The following CNOT1 variants were observed in gnomAD, a reference collection of about 807,000 sequenced individuals.
The protein encoded by CNOT1 is CCR4-associated factor 1.
A neutral mutation model predicts 273.8 loss-of-function variants in CNOT1; 15 were observed. That is an observed-to-expected ratio of 0.05 (90% confidence interval 0.04 to 0.08). The LOEUF is 0.08. Ranked by LOEUF, CNOT1 falls within the 10% of genes least tolerant of loss-of-function variation. The pLI is 1.00. For missense variants in CNOT1, 1,644 were observed against 2,912.2 expected, an observed-to-expected ratio of 0.56 and a Z score of 10.02; for synonymous variants, 1,022 against 1,005.5, an observed-to-expected ratio of 1.02 and a Z score of -0.31.
At chr16:58,602,337 T>C (rs367550549) in intron 1 of CNOT1, among the ~76,000 whole-genome samples, 2 of 152,070 alleles carry the variant, frequency 1.3e-5, no homozygotes, top group East Asian at 3.9e-4. Flanking sequence ...TCCCAAAGTG[T>C]TGGGATTATA....
chr16:58,570,582 G>A (rs1017955723), intron 16 of CNOT1, among the ~76,000 whole-genome samples: 2 of 152,198 alleles, frequency 1.3e-5, no homozygotes, highest in African/African-American at 2.4e-5. Context: ...AGCTGTGATC[G>A]TGTCCTGCGT....
Position 58,520,980 on chromosome 16 carries a change from A to G in CNOT1, c.7109T>C (p.Met2370Thr), listed in dbSNP as rs760360778. 5.6e-6 allele frequency: 9 copies of G among 1,613,972 alleles called. No individual in the cohort carries two copies. Among genetic ancestry groups the G allele is most frequent in the East Asian group, 2.2e-5 (1 of 44,888 alleles). The change falls in exon 49 of 49, where the codon ATG (methionine) becomes ACG (threonine). Residue 2370 changes from methionine (M) to threonine (T), a missense_variant. Met to Thr is a moderately conservative substitution (Grantham distance 81). Transcript: ENST00000317147. ...CMGQKQAQQV[M>T]EGTGAS ...CGTCTAACTGGCACCTGTCCCTTCC[A>G]TTACTTGCTGGGCCTGCTTCTGTCC...
chr16:58,580,552 A>C, intron 12 of CNOT1, 81 bp downstream of exon 12: 1 of 1,516,320 alleles, frequency 6.6e-7, no homozygotes, highest in Admixed American at 2.1e-5. Context: ...CCTGTTAACT[A>C]TGTACTTGGC....
intron 16 of CNOT1, among the ~76,000 whole-genome samples, chr16:58,560,693 G>C (rs2040806415): frequency 6.6e-6 from 1 of 152,178 alleles, no homozygotes; most frequent in South Asian, 2.1e-4. Flanking sequence ...ACCTGGGCAA[G>C]ATAGCGAGAC....
intron 16 of CNOT1, among the ~76,000 whole-genome samples, chr16:58,565,005 C>T (rs2040990099): frequency 6.6e-6 from 1 of 152,112 alleles, no homozygotes; most frequent in Non-Finnish European, 1.5e-5. Context: ...CCCACAAATG[C>T]TTCTCACGCC....
intron 1 of CNOT1, among the ~76,000 whole-genome samples, chr16:58,617,762 T>C (rs1018055354): frequency 3.3e-5 from 5 of 152,150 alleles, no homozygotes; most frequent in Non-Finnish European, 5.9e-5. Context: ...TCTCAGGACT[T>C]TGGGAGGCTG....
At chr16:58,579,831 C>A (rs1264405843) in intron 12 of CNOT1, among the ~76,000 whole-genome samples, 2 of 152,102 alleles carry the variant, frequency 1.3e-5, no homozygotes, top group South Asian at 2.1e-4. Flanking sequence ...CCAAGAGAAA[C>A]CTGATATACA....
intron 1 of CNOT1, among the ~76,000 whole-genome samples, chr16:58,628,908 G>A (rs940219420): frequency 6.6e-6 from 1 of 152,330 alleles, no homozygotes; most frequent in East Asian, 1.9e-4. Flanking sequence ...TATTATTTGT[G>A]TTTGGCCTTA....
At chr16:58,601,733 T>TGAAAAAA (rs2042470348) in intron 1 of CNOT1, among the ~76,000 whole-genome samples, 1 of 31,834 alleles carries the variant, frequency 3.1e-5, no homozygotes. Flanking sequence ...CATACCCACC[T>TGAAAAAA]TAAAAAAAAA....
At chr16:58,556,796 A>G in intron 19 of CNOT1, 51 bp downstream of exon 19, 1 of 1,594,304 alleles carries the variant, frequency 6.3e-7, no homozygotes, top group Non-Finnish European at 8.5e-7. Flanking sequence ...ACATACAACT[A>G]AACATTTTTA....
intron 2 of CNOT1, among the ~76,000 whole-genome samples, chr16:58,594,631 C>A (rs2042184653): frequency 6.6e-6 from 1 of 151,136 alleles, no homozygotes; most frequent in African/African-American, 2.4e-5. Flanking sequence ...TGGTGAAACC[C>A]CACCTCTCTT....
intron 3 of CNOT1, 59 bp downstream of exon 3, chr16:58,588,740 C>A: frequency 6.3e-7 from 1 of 1,576,864 alleles, no homozygotes; most frequent in Non-Finnish European, 8.6e-7. Flanking sequence ...ATACACTATG[C>A]CCAAAATTCA....
chr16:58,564,175 C>A (rs2040956687), intron 16 of CNOT1, among the ~76,000 whole-genome samples: 1 of 151,814 alleles, frequency 6.6e-6, no homozygotes, highest in Non-Finnish European at 1.5e-5. Flanking sequence ...TATAAGATAA[C>A]CCAAAAATAT....
intron 47 of CNOT1, among the ~76,000 whole-genome samples, chr16:58,522,530 T>TTTAAG (rs1332252786): frequency 6.6e-6 from 1 of 151,508 alleles, no homozygotes; most frequent in African/African-American, 2.4e-5. Context: ...ATGAGCAAGT[T>TTTAAG]TTAAGAGTCT....
intron 2 of CNOT1, among the ~76,000 whole-genome samples, chr16:58,591,579 C>T (rs527996488): frequency 1.3e-4 from 20 of 152,126 alleles, no homozygotes; most frequent in African/African-American, 4.8e-4. Flanking sequence ...CATGGTGAAA[C>T]CCCATCTCTA....
At position 58,541,227 on chromosome 16, in the gene CNOT1, A is replaced by T. The variant is rs189646230; in HGVS notation, c.4800+274T>A. On this transcript the variant is annotated intron_variant, in intron 34 of 48. Coordinates refer to ENST00000317147, the MANE Select transcript of CNOT1 (RefSeq NM_016284.5). Reference sequence around the variant, plus strand: ...CTCAAAAAAATAAATAATAAAATTTAAAAATAAAAAACCGAAAGTTATTAT... The same window carrying T: ...CTCAAAAAAATAAATAATAAAATTTTAAAATAAAAAACCGAAAGTTATTAT... Among the ~76,000 whole-genome samples the T allele has an allele frequency of 6.7e-3, 1,018 of 152,280 alleles. 8 individuals are homozygous for T. The highest frequency in any genetic ancestry group is 9.5e-3 in the Non-Finnish European group (644 of 68,016).
Position 58,536,245 on chromosome 16 carries a change from G to GAAAT in CNOT1, c.5646+740_5646+743dup, listed in dbSNP as rs577666218. 5.8e-3 allele frequency among the ~76,000 whole-genome samples: 877 copies of GAAAT among 152,164 alleles called. 5 individuals are homozygous for GAAAT. The highest frequency in any genetic ancestry group is 7.1e-3 in the Non-Finnish European group (480 of 67,994). On this transcript the variant is annotated intron_variant, in intron 39 of 48. Coordinates refer to ENST00000317147, the MANE Select transcript of CNOT1 (RefSeq NM_016284.5). ...AAAAATTACAACAGTTCTAATAAAG[G>GAAAT]AAATTCCAAGGTCAATTCAGGAAAA...
chr16:58,528,406 A>G lies in CNOT1; in HGVS notation c.6453+69T>C, dbSNP rs896619477. On this transcript the variant is annotated intron_variant, in intron 44 of 48. Transcript: ENST00000317147. Reference sequence around the variant, plus strand: ...TATGTTGGGTAGGAAAGTGCTGAACAGTCTACTTATCAGAGAAAGGACTGA... The same window carrying G: ...TATGTTGGGTAGGAAAGTGCTGAACGGTCTACTTATCAGAGAAAGGACTGA... 6 of 1,090,862 alleles carry G rather than the reference A, an allele frequency of 5.5e-6. No homozygotes were observed. The African/African-American group carries it at 7.8e-5, about 14-fold the overall frequency. The allele number at this position is 1,090,862 out of a possible 1,614,324, so 67.6% of individuals were successfully genotyped here.
chr16:58,553,900 C>G (rs1397187827), intron 21 of CNOT1, 40 bp from the exon 22 acceptor site: 1 of 1,565,952 alleles, frequency 6.4e-7, no homozygotes, highest in African/African-American at 1.4e-5. Flanking sequence ...CATGTCAGAA[C>G]AGAAGCATCA....
Sources: allele counts gnomAD v4.1 joint callset (sites outside exome capture counted in the v4.1 genomes callset), GRCh38; gene constraint gnomAD v4.1.1; transcripts MANE v1.5; gene names NCBI Gene and HGNC (gene_info 2026-07-23, HGNC 2026-07-21).